TAS2R1: variants seen among roughly 807,000 people sequenced by gnomAD.
The protein encoded by TAS2R1 is taste 2 receptor member 1.
For synonymous variants in TAS2R1, 141 were observed against 134.2 expected (o/e 1.05, Z -0.35); for missense variants, 370 against 353.4 (o/e 1.05, Z -0.38).
chr5:9,648,895 A>C (rs1177845050), intron 2 of TAS2R1, among the ~76,000 whole-genome samples: 2 of 152,128 alleles, frequency 1.3e-5, no homozygotes, highest in Non-Finnish European at 2.9e-5. Flanking sequence ...AACTTTTCTC[A>C]TCTGGAAAGC....
chr5:9,730,622 G>A, the TAS2R1 span, among the ~76,000 whole-genome samples: 1 of 152,138 alleles, frequency 6.6e-6, no homozygotes, highest in African/African-American at 2.4e-5. Flanking sequence ...GGGGGTCTCT[G>A]CTTCTGCATT....
the TAS2R1 span, among the ~76,000 whole-genome samples, chr5:9,851,067 G>A: frequency 3.3e-5 from 5 of 152,178 alleles, no homozygotes; most frequent in Admixed American, 6.5e-5. Flanking sequence ...CTAAATCCAC[G>A]ACCTGAGATG....
chr5:9,870,375 C>T, the TAS2R1 span, among the ~76,000 whole-genome samples: 2 of 152,196 alleles, frequency 1.3e-5, no homozygotes, highest in Admixed American at 1.3e-4. Flanking sequence ...AATATCAAAA[C>T]AAGTGCTTTG....
At chr5:9,701,037 T>C (rs550099443) in intron 1 of TAS2R1, among the ~76,000 whole-genome samples, 62 of 141,784 alleles carry the variant, frequency 4.4e-4, no homozygotes, top group African/African-American at 1.8e-3. Context: ...GCAACATTTC[T>C]CAAAAAAATG....
chr5:9,852,331 C>T, the TAS2R1 span, among the ~76,000 whole-genome samples: 2 of 151,630 alleles, frequency 1.3e-5, no homozygotes, highest in South Asian at 2.1e-4. Flanking sequence ...CTGTAGATCA[C>T]AAGAGTGTCC....
At chr5:9,872,364 C>T in the TAS2R1 span, among the ~76,000 whole-genome samples, 2 of 152,184 alleles carry the variant, frequency 1.3e-5, no homozygotes, top group African/African-American at 2.4e-5. Context: ...AAGAGAGAAT[C>T]ATATCTGTAG....
Position 9,642,053 on chromosome 5 carries a change from G to C in TAS2R1, c.-80-12061C>G, listed in dbSNP as rs542569532. The C allele has an allele frequency of 9.8e-5, 15 of 152,310 alleles. No individual in the cohort carries two copies. The South Asian group carries it at 2.3e-3, about 23-fold the overall frequency. 9.4% of individuals were successfully genotyped at this position (152,310 alleles called of 1,614,324 possible). ...AAAGGAGACAGCACTAAATATTCTT[G>C]AGGTAACTGACAGGCGGAAAGAGTT... On this transcript the variant is annotated intron_variant, in intron 2 of 2. Transcript: ENST00000506620.
the TAS2R1 span, among the ~76,000 whole-genome samples, chr5:9,873,523 G>T: frequency 1.3e-5 from 2 of 150,404 alleles, no homozygotes; most frequent in Admixed American, 1.3e-4. Flanking sequence ...TAAAACCAAA[G>T]TATCTTACAT....
chr5:9,901,845 A>G, the TAS2R1 span, among the ~76,000 whole-genome samples: 3 of 152,070 alleles, frequency 2.0e-5, no homozygotes, highest in Non-Finnish European at 4.4e-5. Flanking sequence ...CATATAATAA[A>G]TTGTCCTTCA....
At chr5:9,704,291 C>T (rs757185120) in intron 1 of TAS2R1, among the ~76,000 whole-genome samples, 31 of 151,932 alleles carry the variant, frequency 2.0e-4, no homozygotes, top group Middle Eastern at 3.4e-3. Flanking sequence ...AAAGTTACAC[C>T]TCCCCCAGAG....
At position 9,627,895 on chromosome 5, in the gene TAS2R1, A is replaced by G. The variant is rs1739784524; in HGVS notation, c.*1238T>C. Among the ~76,000 whole-genome samples the G allele has an allele frequency of 6.6e-6, 1 of 152,116 alleles. No homozygotes were observed. The highest frequency in any genetic ancestry group is 2.4e-5 in the African/African-American group (1 of 41,418). On this transcript the variant is annotated 3_prime_UTR_variant, in exon 1 of 1. Coordinates refer to ENST00000382492, the MANE Select transcript of TAS2R1 (RefSeq NM_019599.3). ...ACGTCCCTGAATCTCCTGAAGCAAA[A>G]TCCTTCATTGGTGTATTATAACCAG... is the stretch of plus-strand genomic sequence containing the variant.
At chr5:9,900,160 T>C in the TAS2R1 span, among the ~76,000 whole-genome samples, 1 of 152,188 alleles carries the variant, frequency 6.6e-6, no homozygotes, top group Non-Finnish European at 1.5e-5. Flanking sequence ...AATGTCTTAG[T>C]TTTATACACA....
intron 1 of TAS2R1, among the ~76,000 whole-genome samples, chr5:9,689,288 G>A (rs113706545): frequency 9.5e-4 from 145 of 152,166 alleles, no homozygotes; most frequent in African/African-American, 2.7e-3. Flanking sequence ...CTATCCAGTG[G>A]ACTCCCAAAA....
At chr5:9,883,748 C>T in the TAS2R1 span, among the ~76,000 whole-genome samples, 3 of 152,124 alleles carry the variant, frequency 2.0e-5, no homozygotes, top group East Asian at 1.9e-4. Flanking sequence ...CATGCATCTA[C>T]GATCAGCTGT....
chr5:9,879,392 T>G, the TAS2R1 span, among the ~76,000 whole-genome samples: 1 of 152,236 alleles, frequency 6.6e-6, no homozygotes, highest in Non-Finnish European at 1.5e-5. Context: ...CTGCCTCTCC[T>G]GCAGGTTGCC....
intron 2 of TAS2R1, among the ~76,000 whole-genome samples, chr5:9,649,793 A>G (rs1358404681): frequency 6.6e-6 from 1 of 152,212 alleles, no homozygotes; most frequent in Non-Finnish European, 1.5e-5. Context: ...AGAAAATTTT[A>G]TTAAAGTTAG....
chr5:9,698,638 C>T (rs1253058758), intron 1 of TAS2R1, among the ~76,000 whole-genome samples: 2 of 152,148 alleles, frequency 1.3e-5, no homozygotes, highest in Admixed American at 6.5e-5. Context: ...CACATAAACA[C>T]ACCCGAGAAG....
At chr5:9,654,890 A>G (rs1740378552) in intron 2 of TAS2R1, among the ~76,000 whole-genome samples, 1 of 152,226 alleles carries the variant, frequency 6.6e-6, no homozygotes, top group Non-Finnish European at 1.5e-5. Flanking sequence ...TGGTCCAGCA[A>G]TTCTACTCCT....
the TAS2R1 span, among the ~76,000 whole-genome samples, chr5:9,724,136 C>T: frequency 6.6e-6 from 1 of 152,210 alleles, no homozygotes; most frequent in Non-Finnish European, 1.5e-5. Context: ...CTGACCAGTG[C>T]ATGCCTTATT....
Sources: gnomAD v4.1 joint callset for allele counts (sites outside exome capture counted in the v4.1 genomes callset) on GRCh38, gnomAD v4.1.1 for gene constraint, MANE v1.5 for transcripts, NCBI Gene and HGNC (gene_info 2026-07-23, HGNC 2026-07-21) for gene names.